Variants in IL13RA1 observed in about 807,000 individuals in gnomAD.
IL13RA1 encodes interleukin 13 receptor subunit alpha 1.
IL13RA1 carries 14 observed loss-of-function variants against 33.8 expected under a neutral mutation model. The observed-to-expected ratio is 0.41, with a 90% CI of 0.27 to 0.65. The LOEUF (loss-of-function observed/expected upper bound fraction) is 0.65. IL13RA1 is among the 30% of genes least tolerant of loss of function. IL13RA1 has a pLI of 0.28. For synonymous variants in IL13RA1, 116 were observed against 115.7 expected, an observed-to-expected ratio of 1.00 and a Z score of -0.02; for missense variants, 313 against 327.0, an observed-to-expected ratio of 0.96 and a Z score of 0.33.
At chrX:118,769,124 A>T (rs1421211314) in intron 8 of IL13RA1, among the ~76,000 whole-genome samples, 2 of 112,184 alleles carry the variant, frequency 1.8e-5, no homozygotes, top group African/African-American at 6.5e-5. Flanking sequence ...GTTTTTTAGA[A>T]GTGAGTCAAT....
intron 4 of IL13RA1, among the ~76,000 whole-genome samples, chrX:118,751,366 T>C (rs979147607): frequency 1.8e-5 from 2 of 112,050 alleles, no homozygotes; most frequent in Non-Finnish European, 3.8e-5. Flanking sequence ...AAAAAACATA[T>C]CTCTTCTCTC....
intron 1 of IL13RA1, 151 bp from the exon 2 acceptor site, chrX:118,740,866 G>A: frequency 2.0e-6 from 1 of 500,833 alleles, no homozygotes; most frequent in Non-Finnish European, 3.5e-6. Context: ...ATTAATATGT[G>A]TGGAATATTT....
intron 10 of IL13RA1, among the ~76,000 whole-genome samples, chrX:118,786,030 T>TGA (rs2017913213): frequency 8.9e-6 from 1 of 112,293 alleles, no homozygotes; most frequent in Non-Finnish European, 1.9e-5. Context: ...AGTTTTCATC[T>TGA]ATTTTGTGGA....
At chrX:118,735,465 G>A (rs1416293774) in intron 1 of IL13RA1, among the ~76,000 whole-genome samples, 1 of 111,948 alleles carries the variant, frequency 8.9e-6, no homozygotes, top group Non-Finnish European at 1.9e-5. Context: ...TTTTCCAATA[G>A]TACTGCTTTC....
chrX:118,750,253 C>G (rs1434154984), intron 4 of IL13RA1, among the ~76,000 whole-genome samples: 1 of 111,219 alleles, frequency 9.0e-6, no homozygotes, highest in Non-Finnish European at 1.9e-5. Context: ...CTTAAACCAT[C>G]TCTCCTTGTA....
chrX:118,731,375 G>A (rs2017215896), intron 1 of IL13RA1, among the ~76,000 whole-genome samples: 1 of 111,441 alleles, frequency 9.0e-6, no homozygotes, highest in Non-Finnish European at 1.9e-5. Context: ...TCAGGAGTTC[G>A]AGACCAGCCT....
At chrX:118,761,761 G>A (rs2017593198) in intron 6 of IL13RA1, among the ~76,000 whole-genome samples, 2 of 111,818 alleles carry the variant, frequency 1.8e-5, no homozygotes, top group Admixed American at 1.9e-4. Flanking sequence ...GGGAATATTA[G>A]GTAGGGAAAT....
intron 2 of IL13RA1, among the ~76,000 whole-genome samples, chrX:118,744,266 T>C (rs2147370561): frequency 8.9e-6 from 1 of 112,010 alleles, no homozygotes; most frequent in South Asian, 3.7e-4. Context: ...TTTAATATTG[T>C]TTACCTTGAA....
At chrX:118,730,394 G>GA (rs1426017391) in intron 1 of IL13RA1, among the ~76,000 whole-genome samples, 1 of 112,135 alleles carries the variant, frequency 8.9e-6, no homozygotes, top group Non-Finnish European at 1.9e-5. Context: ...ATTCAAAAGA[G>GA]AAAAAGCTGA....
intron 10 of IL13RA1, among the ~76,000 whole-genome samples, chrX:118,782,792 G>T (rs1603221937): frequency 9.4e-6 from 1 of 106,885 alleles, no homozygotes; most frequent in South Asian, 4.2e-4. Context: ...TGTATGAATG[G>T]GCTTTTGCCA....
chrX:118,770,482 G>A (rs772921000), intron 8 of IL13RA1: 1 of 471,999 alleles, frequency 2.1e-6, no homozygotes, highest in Non-Finnish European at 3.9e-6. Context: ...GCTGGTCTAC[G>A]ACAAGCTCAG....
At chrX:118,743,519 A>G (rs190256354) in intron 2 of IL13RA1, among the ~76,000 whole-genome samples, 1 of 111,812 alleles carries the variant, frequency 8.9e-6, no homozygotes, top group East Asian at 2.8e-4. Flanking sequence ...AGGAGGATCT[A>G]GCATCAGATT....
chrX:118,730,033 A>G (rs942395631), intron 1 of IL13RA1, among the ~76,000 whole-genome samples: 25 of 112,674 alleles, frequency 2.2e-4, no homozygotes, highest in African/African-American at 8.1e-4. Context: ...GGCCGGGTGC[A>G]GTGGCTCATG....
chrX:118,795,950 C>A (rs886960415), downstream of IL13RA1, among the ~76,000 whole-genome samples: 5 of 112,088 alleles, frequency 4.5e-5, no homozygotes, highest in African/African-American at 1.6e-4. Context: ...GTAGCTAAAT[C>A]TTGGCATGCT....
rs751312098 is a variant in IL13RA1, at chrX:118,754,254, C to T, written c.489-3801C>T. ...TGAAATGGAGATAGTAATAATAGTG[C>T]CTACTTCTTAAGGTTGTTGTGAGGG... On this transcript the variant is annotated intron_variant, in intron 4 of 10. Transcript: ENST00000371666. 6.3e-5 allele frequency among the ~76,000 whole-genome samples: 7 copies of T among 111,503 alleles called. No homozygotes were observed. The South Asian group carries it at 2.6e-3, about 42-fold the overall frequency.
At chrX:118,775,351 A>G (rs1239486756) in intron 9 of IL13RA1, among the ~76,000 whole-genome samples, 1 of 111,329 alleles carries the variant, frequency 9.0e-6, no homozygotes, top group African/African-American at 3.3e-5. Flanking sequence ...GGCCATGGCA[A>G]GGAACTGAGA....
intron 4 of IL13RA1, among the ~76,000 whole-genome samples, chrX:118,751,061 C>A (rs1013402175): frequency 2.7e-5 from 3 of 112,011 alleles, no homozygotes; most frequent in Non-Finnish European, 5.6e-5. Flanking sequence ...CCCATCTCGG[C>A]CTCCCAAAGT....
At position 118,727,695 on chromosome X, in the gene IL13RA1, C is replaced by T; in HGVS notation, c.57C>T (p.Gly19=). The change falls in exon 1 of 11, where the codon GGC becomes GGT. Residue 19 remains glycine, a synonymous_variant. Coordinates refer to ENST00000371666, the MANE Select transcript of IL13RA1 (RefSeq NM_001560.3). The stretch of plus-strand genomic sequence containing the variant: ...GGGCGCTGCTGCTCTGCGCCGGCGG[C>T]GGGGGCGGGGGCGGGGGCGCCGCGC... ...GLWALLLCAG[G]GGGGGGAAPT... is the part of the protein sequence containing the mutation. 3.5e-6 allele frequency: 1 copy of T among 288,435 alleles called. No individual in the cohort carries two copies. Among genetic ancestry groups the T allele is most frequent in the Non-Finnish European group, 4.8e-6 (1 of 208,333 alleles). 23.8% of individuals were successfully genotyped at this position (288,435 alleles called of 1,213,427 possible). A position where few individuals can be genotyped will look rare whatever the true frequency, so the allele number is the denominator to read the frequency against.
intron 10 of IL13RA1, among the ~76,000 whole-genome samples, chrX:118,790,022 ACT>A (rs2017959662): frequency 1.8e-5 from 2 of 111,968 alleles, no homozygotes; most frequent in Non-Finnish European, 3.8e-5. Context: ...AATAAAATTT[ACT>A]CTTTTTTGAG....
Sources: allele counts gnomAD v4.1 joint callset (sites outside exome capture counted in the v4.1 genomes callset), GRCh38; gene constraint gnomAD v4.1.1; transcripts MANE v1.5; gene names NCBI Gene and HGNC (gene_info 2026-07-23, HGNC 2026-07-21).